Variants in SGIP1 observed in about 807,000 individuals in gnomAD.
SGIP1 encodes the protein SH3GL interacting endocytic adaptor 1.
SGIP1 carries 38 observed loss-of-function variants against 107.5 expected under a neutral mutation model. The ratio of observed to expected loss-of-function variants is 0.35; its 90% CI spans 0.27 to 0.46. SGIP1 has a LOEUF of 0.46. SGIP1 is among the 20% of genes least tolerant of loss of function. The pLI, the probability that SGIP1 is intolerant of heterozygous loss-of-function variation, is 1.00. For synonymous variants in SGIP1, 365 were observed against 366.1 expected, an observed-to-expected ratio of 1.00 and a Z score of 0.03; for missense variants, 929 against 1,019.5, an observed-to-expected ratio of 0.91 and a Z score of 1.21.
chr1:66,598,084 CAATT>C (rs1435202996), intron 1 of SGIP1, among the ~76,000 whole-genome samples: 1 of 152,082 alleles, frequency 6.6e-6, no homozygotes, highest in East Asian at 1.9e-4. Context: ...CTTTTTCCAA[CAATT>C]AAAGTAGCAA....
At position 66,683,667 on chromosome 1, in the gene SGIP1, T is replaced by A. The variant is rs189261276; in HGVS notation, c.1315+1298T>A. Among the ~76,000 whole-genome samples the A allele has an allele frequency of 2.0e-5, 3 of 149,876 alleles. No individual in the cohort carries two copies. The East Asian group carries it at 6.2e-4, about 31-fold the overall frequency. On this transcript the variant is annotated intron_variant, in intron 15 of 24. Coordinates refer to ENST00000371037, the MANE Select transcript of SGIP1 (RefSeq NM_032291.4). Reference sequence around the variant, plus strand: ...AAATAGTAGAAACCACAGTTTCTTATCCTGGGCACCACACTGTTTGTTTGT... The same window carrying A: ...AAATAGTAGAAACCACAGTTTCTTAACCTGGGCACCACACTGTTTGTTTGT...
rs147589605 is a variant in SGIP1 at position 66,684,458 on chromosome 1, A to G, written c.1315+2089A>G. 1.3e-4 allele frequency among the ~76,000 whole-genome samples: 20 copies of G among 152,350 alleles called. No individual in the cohort carries two copies. The East Asian group carries it at 3.5e-3, about 26-fold the overall frequency. On this transcript the variant is annotated intron_variant, in intron 15 of 24. Transcript: ENST00000371037. ...CTCCTTATCTACCTGTAAAGATAAT[A>G]AAGAACCACTATGTAAATCCTCCAA...
intron 11 of SGIP1, among the ~76,000 whole-genome samples, chr1:66,672,280 A>G (rs1454100154): frequency 6.6e-6 from 1 of 151,952 alleles, no homozygotes; most frequent in Non-Finnish European, 1.5e-5. Context: ...CTAAAGAGGT[A>G]TTTTGGTGTC....
chr1:66,612,773 TG>T (rs2068307332), intron 1 of SGIP1, among the ~76,000 whole-genome samples: 1 of 152,228 alleles, frequency 6.6e-6, no homozygotes, highest in Non-Finnish European at 1.5e-5. Context: ...AACAAAACTC[TG>T]TGAGGATTTG....
At chr1:66,713,459 G>A (rs78691090) in intron 18 of SGIP1, among the ~76,000 whole-genome samples, 3,027 of 152,110 alleles carry the variant, frequency 0.02, 97 homozygotes, top group African/African-American at 0.069. Context: ...AGAACATAAA[G>A]CCATATTAGT....
At position 66,690,335 on chromosome 1, in the gene SGIP1, CTT is replaced by C; in HGVS notation, c.1570+22_1570+23del. ...ACAGTTGGTAAAAATTCTCTCCTCT[CTT>C]TTAATCCGTTTGTGGTTTTGACTGG... On this transcript the variant is annotated intron_variant, in intron 17 of 24. Transcript: ENST00000371037. 1 of 1,613,676 alleles carries C rather than the reference CTT, an allele frequency of 6.2e-7. No homozygotes were observed. Among genetic ancestry groups the C allele is most frequent in the Non-Finnish European group, 8.5e-7 (1 of 1,179,860 alleles).
At chr1:66,625,402 C>G (rs1218668137) in intron 1 of SGIP1, among the ~76,000 whole-genome samples, 1 of 152,192 alleles carries the variant, frequency 6.6e-6, no homozygotes, top group Non-Finnish European at 1.5e-5. Context: ...ATACGAGACA[C>G]AAAGATGTGT....
intron 11 of SGIP1, among the ~76,000 whole-genome samples, chr1:66,672,704 T>C (rs554001075): frequency 2.3e-4 from 35 of 152,264 alleles, no homozygotes; most frequent in African/African-American, 8.4e-4. Context: ...GATGCGAGTT[T>C]AACTTATTAT....
At chr1:66,723,810 C>T (rs888533792) in intron 19 of SGIP1, among the ~76,000 whole-genome samples, 1 of 152,134 alleles carries the variant, frequency 6.6e-6, no homozygotes, top group Non-Finnish European at 1.5e-5. Flanking sequence ...TTCCCAGAAC[C>T]TATGACCCAG....
At chr1:66,571,154 A>T (rs531000912) in intron 1 of SGIP1, among the ~76,000 whole-genome samples, 3 of 152,148 alleles carry the variant, frequency 2.0e-5, no homozygotes, top group African/African-American at 7.2e-5. Flanking sequence ...AAGTTATAGG[A>T]AACAGAAAAG....
intron 1 of SGIP1, among the ~76,000 whole-genome samples, chr1:66,555,815 G>A (rs1423565668): frequency 6.6e-6 from 1 of 152,062 alleles, no homozygotes; most frequent in Non-Finnish European, 1.5e-5. Flanking sequence ...AGTTCCAAGT[G>A]CATTATCCAT....
Position 66,750,035 on chromosome 1 carries a change from GGGTGT to G in SGIP1, c.*6942_*6946del. ...TCTCTCTTTCTCTGTGTGTGTGTGG[GGGTGT>G]GTGTGTGTGTGTGTGTGTGTGTGTG... On this transcript the variant is annotated 3_prime_UTR_variant, in exon 25 of 25. Transcript: ENST00000371037. Among the ~76,000 whole-genome samples the G allele has an allele frequency of 3.3e-5, 1 of 30,050 alleles. No individual in the cohort carries two copies. Among genetic ancestry groups the G allele is most frequent in the Non-Finnish European group, 8.7e-5 (1 of 11,518 alleles). The allele number at this position is 30,050 out of a possible 152,430, so 19.7% of individuals were successfully genotyped here.
At chr1:66,694,555 G>A (rs2090498406) in intron 17 of SGIP1, 1 of 1,448,436 alleles carries the variant, frequency 6.9e-7, no homozygotes. Flanking sequence ...AAAAATCCAA[G>A]CCATTATCCA....
At position 66,673,177 on chromosome 1, in the gene SGIP1, A is replaced by G. The variant is rs1022815869; in HGVS notation, c.561-104A>G. On this transcript the variant is annotated intron_variant, in intron 11 of 24. Transcript: ENST00000371037. ...CATGCATGCATGCACTGGTGCACAC[A>G]CACACTTGTTTCACTAAGAAAAATA... 6.0e-6 allele frequency: 7 copies of G among 1,168,412 alleles called. No homozygotes were observed. The East Asian group carries it at 7.2e-5, about 12-fold the overall frequency. 72.4% of individuals were successfully genotyped at this position (1,168,412 alleles called of 1,614,324 possible). A position where few individuals can be genotyped will look rare whatever the true frequency, so the allele number is the denominator to read the frequency against.
intron 1 of SGIP1, among the ~76,000 whole-genome samples, chr1:66,559,230 A>G (rs2058600741): frequency 6.6e-6 from 1 of 152,030 alleles, no homozygotes; most frequent in Non-Finnish European, 1.5e-5. Flanking sequence ...TGCATTTCTA[A>G]CAGGCTTATA....
At chr1:66,593,595 T>G (rs1221892794) in intron 1 of SGIP1, among the ~76,000 whole-genome samples, 1 of 152,164 alleles carries the variant, frequency 6.6e-6, no homozygotes, top group Non-Finnish European at 1.5e-5. Context: ...ACAATGAATT[T>G]CCCTTGATAG....
intron 19 of SGIP1, among the ~76,000 whole-genome samples, chr1:66,726,653 A>G (rs1275660734): frequency 6.6e-6 from 1 of 152,238 alleles, no homozygotes; most frequent in Non-Finnish European, 1.5e-5. Flanking sequence ...AGTCTTCTCA[A>G]AAAAATGATG....
rs553413028 is a variant in SGIP1 at position 66,733,083 on chromosome 1, A to G, written c.1899-665A>G. 3.3e-5 allele frequency among the ~76,000 whole-genome samples: 5 copies of G among 152,344 alleles called. No individual in the cohort carries two copies. In the East Asian group the frequency reaches 9.6e-4, roughly 29 times the overall value. On this transcript the variant is annotated intron_variant, in intron 20 of 24. Transcript: ENST00000371037. ...CTCTGAGCAAAGCTAAGACTCTCATAGGGATATAAAACTTCTTAGCTTATA... is the reference window on the plus strand; with the variant it reads ...CTCTGAGCAAAGCTAAGACTCTCATGGGGATATAAAACTTCTTAGCTTATA...
intron 17 of SGIP1, 149 bp downstream of exon 17, chr1:66,690,465 T>G: frequency 8.9e-7 from 1 of 1,125,754 alleles, no homozygotes; most frequent in Non-Finnish European, 1.3e-6. Flanking sequence ...TAAAACCACC[T>G]TCTCAGCAAA....
Sources: gnomAD v4.1 joint callset for allele counts (sites outside exome capture counted in the v4.1 genomes callset) on GRCh38, gnomAD v4.1.1 for gene constraint, MANE v1.5 for transcripts, NCBI Gene and HGNC (gene_info 2026-07-23, HGNC 2026-07-21) for gene names.